FAM107B: variants seen among roughly 807,000 people sequenced by gnomAD.
The protein encoded by FAM107B is protein FAM107B.
FAM107B carries 21 observed loss-of-function variants against 31.5 expected under a neutral mutation model. The ratio of observed to expected loss-of-function variants is 0.67; its 90% CI spans 0.47 to 0.96. The LOEUF is 0.96. Among genes scored for constraint, FAM107B ranks in the 40% least tolerant of loss-of-function variants. The pLI is 0.00. For missense variants in FAM107B, 452 were observed against 377.1 expected (o/e 1.20, Z -1.64); for synonymous variants, 157 against 141.5 (o/e 1.11, Z -0.78).
chr10:14,685,154 T>A (rs576013308), intron 1 of FAM107B, among the ~76,000 whole-genome samples: 37 of 150,074 alleles, frequency 2.5e-4, no homozygotes, highest in East Asian at 7.8e-4. Context: ...TTTTTTTTTT[T>A]TTTTTTTTTT....
intron 2 of FAM107B, among the ~76,000 whole-genome samples, chr10:14,650,284 C>A (rs1459366166): frequency 6.6e-6 from 1 of 151,614 alleles, no homozygotes; most frequent in East Asian, 1.9e-4. Flanking sequence ...TCATTCTTAA[C>A]TCTGATTTTT....
chr10:14,635,958 T>C (rs1376512428), intron 2 of FAM107B, among the ~76,000 whole-genome samples: 1 of 152,074 alleles, frequency 6.6e-6, no homozygotes, highest in Non-Finnish European at 1.5e-5. Context: ...TGAAATTCTG[T>C]GATAAATGAT....
chr10:14,648,016 G>T (rs142064230), intron 2 of FAM107B, among the ~76,000 whole-genome samples: 2 of 149,848 alleles, frequency 1.3e-5, no homozygotes, highest in East Asian at 2.0e-4. Flanking sequence ...AAAAAAAGGC[G>T]ATATAAAACA....
At chr10:14,575,132 T>G (rs186091143) in intron 2 of FAM107B, among the ~76,000 whole-genome samples, 3 of 152,178 alleles carry the variant, frequency 2.0e-5, no homozygotes, top group African/African-American at 7.2e-5. Flanking sequence ...AGGTGGCATA[T>G]TTTTTAGAAT....
At chr10:14,765,061 G>A (rs371961449) in intron 1 of FAM107B, among the ~76,000 whole-genome samples, 33 of 152,242 alleles carry the variant, frequency 2.2e-4, no homozygotes, top group African/African-American at 7.5e-4. Context: ...CTGACAAGCT[G>A]GAAATAAGTG....
At chr10:14,661,871 G>A (rs540323223) in intron 2 of FAM107B, among the ~76,000 whole-genome samples, 1 of 152,328 alleles carries the variant, frequency 6.6e-6, no homozygotes, top group East Asian at 1.9e-4. Flanking sequence ...ACATAGTGAG[G>A]CTTCAATTTG....
At chr10:14,623,590 C>T (rs974053239) in intron 2 of FAM107B, among the ~76,000 whole-genome samples, 3 of 152,206 alleles carry the variant, frequency 2.0e-5, no homozygotes, top group African/African-American at 4.8e-5. Flanking sequence ...TTTTGGGAGG[C>T]CAAGGTGGGC....
chr10:14,612,681 T>C (rs1852753674), intron 2 of FAM107B: 1 of 152,140 alleles, frequency 6.6e-6, no homozygotes. Context: ...AATAAAGAAA[T>C]ACAAAGATAT....
intron 2 of FAM107B, among the ~76,000 whole-genome samples, chr10:14,649,646 G>A (rs1270646818): frequency 6.6e-6 from 1 of 152,116 alleles, no homozygotes; most frequent in Non-Finnish European, 1.5e-5. Context: ...CCCCCACTTC[G>A]AGTTGTCCCA....
intron 1 of FAM107B, among the ~76,000 whole-genome samples, chr10:14,719,008 G>A (rs1855846632): frequency 6.6e-6 from 1 of 152,170 alleles, no homozygotes; most frequent in African/African-American, 2.4e-5. Flanking sequence ...AGATTTTACT[G>A]GCGCAGAACT....
intron 2 of FAM107B, among the ~76,000 whole-genome samples, chr10:14,605,938 G>A (rs1229225319): frequency 1.3e-5 from 2 of 152,176 alleles, no homozygotes; most frequent in Non-Finnish European, 2.9e-5. Context: ...TTTGGGCTCA[G>A]TCACAATATG....
chr10:14,737,615 A>AAAAC lies in FAM107B; in HGVS notation c.411+36634_411+36637dup, dbSNP rs557002907. On this transcript the variant is annotated intron_variant, in intron 1 of 4. Transcript: ENST00000181796. Reference sequence around the variant, plus strand: ...GGTGACAGAGAGAGACTCGGCCTCCAAAACAAACAAACAAACAAACAAACA... The same window carrying AAAAC: ...GGTGACAGAGAGAGACTCGGCCTCCAAAACAAACAAACAAACAAACAAACAAACA... Among the ~76,000 whole-genome samples the AAAAC allele has an allele frequency of 3.6e-3, 544 of 151,660 alleles. 4 individuals are homozygous for AAAAC. The highest frequency in any genetic ancestry group is 0.03 in the South Asian group (143 of 4,788).
intron 2 of FAM107B, among the ~76,000 whole-genome samples, chr10:14,595,044 T>C (rs1454396070): frequency 3.3e-5 from 5 of 151,442 alleles, no homozygotes; most frequent in African/African-American, 4.9e-5. Context: ...TGATTCTACC[T>C]GTACAAAGGC....
chr10:14,520,573 G>C lies in FAM107B; in HGVS notation c.*617C>G, dbSNP rs1386821127. ...AAGGAATGAAAATAAAATCAAGATGGGCTTTTAAACTTCTCACCCTATTTC... is the reference window on the plus strand; with the variant it reads ...AAGGAATGAAAATAAAATCAAGATGCGCTTTTAAACTTCTCACCCTATTTC... On this transcript the variant is annotated 3_prime_UTR_variant, in exon 5 of 5. Transcript: ENST00000181796. 6.6e-6 allele frequency: 1 copy of C among 152,164 alleles called. No homozygotes were observed. Among genetic ancestry groups the C allele is most frequent in the African/African-American group, 2.4e-5 (1 of 41,434 alleles). The allele number at this position is 152,164 out of a possible 1,614,324, so 9.4% of individuals were successfully genotyped here.
intron 1 of FAM107B, among the ~76,000 whole-genome samples, chr10:14,770,553 A>G (rs1564297881): frequency 6.6e-6 from 1 of 152,102 alleles, no homozygotes; most frequent in African/African-American, 2.4e-5. Context: ...AAAATAAAAT[A>G]AACAGCAGTA....
chr10:14,759,745 T>C (rs1462256743), intron 1 of FAM107B, among the ~76,000 whole-genome samples: 2 of 151,858 alleles, frequency 1.3e-5, no homozygotes, highest in African/African-American at 4.8e-5. Flanking sequence ...GAGTCTCACC[T>C]CTGCTGTGCA....
rs35540585 is a variant in FAM107B, at chr10:14,595,422, C to CTTTTTTTTTTTTTTTTTTTTTTTTT, written c.470-64908_470-64907insAAAAAAAAAAAAAAAAAAAAAAAAA. Among the ~76,000 whole-genome samples the CTTTTTTTTTTTTTTTTTTTTTTTTT allele has an allele frequency of 2.0e-5, 2 of 98,148 alleles. 1 individual carries two copies. The highest frequency in any genetic ancestry group is 3.9e-5 in the Non-Finnish European group (2 of 51,246). The allele number at this position is 98,148 out of a possible 152,430, so 64.4% of individuals were successfully genotyped here. A position where few individuals can be genotyped will look rare whatever the true frequency, so the allele number is the denominator to read the frequency against. The stretch of plus-strand genomic sequence containing the variant: ...TGGCTCAGCTTCTTCCTAGGGCAAC[C>CTTTTTTTTTTTTTTTTTTTTTTTTT]TTTTTTTTTTTTTTTTTTTTTGAGA... On this transcript the variant is annotated intron_variant, in intron 2 of 4. Transcript: ENST00000181796.
intron 1 of FAM107B, among the ~76,000 whole-genome samples, chr10:14,682,756 G>T (rs1274170304): frequency 6.6e-6 from 1 of 152,068 alleles, no homozygotes; most frequent in African/African-American, 2.4e-5. Context: ...TCGAGAGCTA[G>T]GGGAGGGATA....
intron 2 of FAM107B, among the ~76,000 whole-genome samples, chr10:14,633,324 A>G (rs1411191333): frequency 6.6e-6 from 1 of 152,226 alleles, no homozygotes; most frequent in Non-Finnish European, 1.5e-5. Context: ...GAATCTACAC[A>G]ATTCCTTAAG....
Sources: allele counts gnomAD v4.1 joint callset (sites outside exome capture counted in the v4.1 genomes callset), GRCh38; gene constraint gnomAD v4.1.1; transcripts MANE v1.5; gene names NCBI Gene and HGNC (gene_info 2026-07-23, HGNC 2026-07-21).